The following SMIM35 variants were observed in gnomAD, a reference collection of about 807,000 sequenced individuals.
The protein encoded by SMIM35 is TMPRSS4 antisense RNA 1 (non-protein coding).
chr11:118,072,015 A>G (rs1944578631), intron 1 of SMIM35, among the ~76,000 whole-genome samples: 1 of 152,252 alleles, frequency 6.6e-6, no homozygotes, highest in Non-Finnish European at 1.5e-5. Flanking sequence ...GTATATGGGC[A>G]GACTGAGCTC....
rs543998662 is a variant in SMIM35 at position 118,011,365 on chromosome 11, G to A, written c.*33+2383C>T. Among the ~76,000 whole-genome samples the A allele has an allele frequency of 3.3e-5, 5 of 152,292 alleles. No homozygotes were observed. The East Asian group carries it at 9.6e-4, about 29-fold the overall frequency. On this transcript the variant is annotated intron_variant, in intron 4 of 4. Coordinates refer to ENST00000689828, the MANE Select transcript of SMIM35 (RefSeq NM_001394165.1). ...GGCCGGGCATGGACTGCAGACCCAG[G>A]ATCCCTGCTAGGCAGGGTGCGGGTA...
chr11:118,074,189 G>A (rs752240325), intron 1 of SMIM35, among the ~76,000 whole-genome samples: 3 of 152,322 alleles, frequency 2.0e-5, no homozygotes, highest in Non-Finnish European at 2.9e-5. Context: ...GGAAGGAACC[G>A]TGCAAGTGAG....
chr11:118,019,599 A>G (rs2058209498), intron 1 of SMIM35, among the ~76,000 whole-genome samples: 1 of 152,228 alleles, frequency 6.6e-6, no homozygotes, highest in Non-Finnish European at 1.5e-5. Context: ...TTTGAGCAGA[A>G]TTTTAACTAA....
intron 1 of SMIM35, among the ~76,000 whole-genome samples, chr11:118,039,579 G>A (rs534655334): frequency 1.3e-5 from 2 of 149,562 alleles, no homozygotes; most frequent in African/African-American, 4.9e-5. Context: ...GTGTGGTGGT[G>A]CACACATGTG....
chr11:118,078,243 G>T (rs1168830685), intron 1 of SMIM35, among the ~76,000 whole-genome samples: 1 of 152,098 alleles, frequency 6.6e-6, no homozygotes, highest in South Asian at 2.1e-4. Context: ...GAGGGGAAGA[G>T]ATAATAACTG....
At chr11:118,014,255 G>C (rs546953906) in intron 3 of SMIM35, among the ~76,000 whole-genome samples, 1 of 152,042 alleles carries the variant, frequency 6.6e-6, no homozygotes, top group African/African-American at 2.4e-5. Flanking sequence ...AAACTAATAC[G>C]GCAGTAGTGG....
intron 1 of SMIM35, among the ~76,000 whole-genome samples, chr11:118,064,387 C>T (rs917280991): frequency 2.6e-5 from 4 of 152,124 alleles, no homozygotes; most frequent in Non-Finnish European, 5.9e-5. Flanking sequence ...AAGGTCCCAC[C>T]GGAGGTTCAG....
intron 1 of SMIM35, among the ~76,000 whole-genome samples, chr11:118,043,318 C>A (rs1380138703): frequency 6.6e-6 from 1 of 150,788 alleles, no homozygotes; most frequent in Non-Finnish European, 1.5e-5. Flanking sequence ...AATCCACAGA[C>A]AAATGTATAA....
intron 1 of SMIM35, among the ~76,000 whole-genome samples, chr11:118,046,775 G>A (rs545880946): frequency 1.3e-5 from 2 of 152,304 alleles, no homozygotes; most frequent in East Asian, 3.9e-4. Context: ...GACTGACACC[G>A]TTTGAGTCTG....
At chr11:118,085,521 A>G (rs1007997010) in intron 1 of SMIM35, among the ~76,000 whole-genome samples, 1 of 152,148 alleles carries the variant, frequency 6.6e-6, no homozygotes, top group Non-Finnish European at 1.5e-5. Context: ...AGTTTAAAGG[A>G]CAACTCAGGA....
intron 1 of SMIM35, chr11:118,059,322 G>A (rs1034891265): frequency 3.3e-5 from 5 of 152,372 alleles, no homozygotes; most frequent in Non-Finnish European, 7.3e-5. Flanking sequence ...GCCCAGGCAT[G>A]GGGGTGGGGG....
intron 1 of SMIM35, among the ~76,000 whole-genome samples, chr11:118,031,512 T>A (rs2058319306): frequency 6.6e-6 from 1 of 152,160 alleles, no homozygotes; most frequent in Admixed American, 6.5e-5. Flanking sequence ...AAGCAATGGC[T>A]GTTAAGTTTT....
intron 1 of SMIM35, among the ~76,000 whole-genome samples, chr11:118,035,123 T>C (rs992476482): frequency 4.6e-5 from 7 of 152,128 alleles, no homozygotes; most frequent in Non-Finnish European, 7.4e-5. Flanking sequence ...AGCTAATTTT[T>C]GTATTTTTAG....
At chr11:118,048,732 A>C (rs1351587393) in intron 1 of SMIM35, among the ~76,000 whole-genome samples, 1 of 151,894 alleles carries the variant, frequency 6.6e-6, no homozygotes, top group African/African-American at 2.4e-5. Flanking sequence ...AACAACAGAA[A>C]ACAAAAAACA....
intron 1 of SMIM35, among the ~76,000 whole-genome samples, chr11:118,052,156 G>T (rs1257379290): frequency 1.3e-5 from 2 of 152,162 alleles, no homozygotes; most frequent in Non-Finnish European, 2.9e-5. Flanking sequence ...GGTGCTCTTT[G>T]CATAAACACC....
intron 1 of SMIM35, chr11:118,059,070 T>C (rs1944358496): frequency 6.6e-6 from 1 of 152,254 alleles, no homozygotes; most frequent in Admixed American, 6.5e-5. Context: ...CACACTGGCG[T>C]CTGCACACAG....
At chr11:118,018,457 G>T (rs143260090) in intron 1 of SMIM35, among the ~76,000 whole-genome samples, 1 of 152,274 alleles carries the variant, frequency 6.6e-6, no homozygotes, top group East Asian at 1.9e-4. Flanking sequence ...AGAGGCCAAG[G>T]TCAAAGAAGA....
chr11:118,045,224 T>C (rs1204865987), intron 1 of SMIM35, among the ~76,000 whole-genome samples: 1 of 152,086 alleles, frequency 6.6e-6, no homozygotes, highest in Non-Finnish European at 1.5e-5. Context: ...AATCAAGAAT[T>C]CCTCCTTTGT....
chr11:118,047,269 G>A (rs953123118), intron 1 of SMIM35, among the ~76,000 whole-genome samples: 18 of 152,224 alleles, frequency 1.2e-4, no homozygotes, highest in African/African-American at 3.6e-4. Context: ...ATTTATTGGC[G>A]ATCTCATCTG....
Sources: allele counts gnomAD v4.1 joint callset (sites outside exome capture counted in the v4.1 genomes callset), GRCh38; gene constraint gnomAD v4.1.1; transcripts MANE v1.5; gene names NCBI Gene and HGNC (gene_info 2026-07-23, HGNC 2026-07-21).